The following IL1RAPL1 variants were observed in gnomAD, a reference collection of about 807,000 sequenced individuals.
IL1RAPL1 encodes the protein interleukin-1 receptor accessory protein-like 1.
A neutral mutation model predicts 48.4 loss-of-function variants in IL1RAPL1; 3 were observed. The ratio of observed to expected loss-of-function variants is 0.06; its 90% CI spans 0.03 to 0.16. The LOEUF (loss-of-function observed/expected upper bound fraction) is 0.16. IL1RAPL1 is among the 10% of genes least tolerant of loss of function. The pLI, the probability that IL1RAPL1 is intolerant of heterozygous loss-of-function variation, is 1.00. For missense variants in IL1RAPL1, 349 were observed against 530.6 expected (o/e 0.66, Z 3.36); for synonymous variants, 185 against 187.7 (o/e 0.99, Z 0.12).
intron 2 of IL1RAPL1, among the ~76,000 whole-genome samples, chrX:29,227,472 A>G (rs1382818680): frequency 9.0e-6 from 1 of 111,631 alleles, no homozygotes. Context: ...GTTCAATCAG[A>G]CTAAGACTTT....
intron 1 of IL1RAPL1, among the ~76,000 whole-genome samples, chrX:28,611,176 A>G (rs1404460298): frequency 8.9e-6 from 1 of 112,033 alleles, no homozygotes; most frequent in African/African-American, 3.2e-5. Flanking sequence ...TTAACACATT[A>G]AAAGAGCAAA....
intron 8 of IL1RAPL1, among the ~76,000 whole-genome samples, chrX:29,928,038 AT>A (rs1932907376): frequency 9.0e-6 from 1 of 111,707 alleles, no homozygotes; most frequent in African/African-American, 3.3e-5. Context: ...TTTAAAAGGC[AT>A]CTGTCTAGCA....
chrX:29,728,229 C>G (rs978392055), intron 6 of IL1RAPL1, among the ~76,000 whole-genome samples: 6 of 111,447 alleles, frequency 5.4e-5, no homozygotes, highest in Non-Finnish European at 3.8e-5. Flanking sequence ...AGCCACCGCA[C>G]CCAGCCGAGT....
chrX:28,722,236 G>A (rs1345673408), intron 1 of IL1RAPL1, among the ~76,000 whole-genome samples: 1 of 111,612 alleles, frequency 9.0e-6, no homozygotes, highest in Non-Finnish European at 1.9e-5. Context: ...AGCATGGAAT[G>A]TTCTTCCATT....
At chrX:29,507,255 T>TTTCC (rs1365385555) in intron 5 of IL1RAPL1, among the ~76,000 whole-genome samples, 1 of 99,082 alleles carries the variant, frequency 1.0e-5, no homozygotes. Context: ...TTCTTTCTTT[T>TTTCC]TTCCTTCCTT....
At chrX:29,597,661 G>C (rs190159040) in intron 5 of IL1RAPL1, among the ~76,000 whole-genome samples, 1 of 111,940 alleles carries the variant, frequency 8.9e-6, no homozygotes, top group African/African-American at 3.2e-5. Flanking sequence ...GAGTCCATCT[G>C]GTCCTGGACT....
At chrX:28,876,592 C>T (rs1922379024) in intron 2 of IL1RAPL1, among the ~76,000 whole-genome samples, 1 of 111,422 alleles carries the variant, frequency 9.0e-6, no homozygotes, top group Non-Finnish European at 1.9e-5. Flanking sequence ...TCCACTGGCC[C>T]CAAGCTGGCA....
intron 2 of IL1RAPL1, among the ~76,000 whole-genome samples, chrX:28,911,158 T>A (rs1252337656): frequency 1.8e-5 from 2 of 111,878 alleles, no homozygotes; most frequent in African/African-American, 6.5e-5. Flanking sequence ...ATTTCCACTA[T>A]AGAGCAAGTT....
intron 2 of IL1RAPL1, among the ~76,000 whole-genome samples, chrX:29,261,024 A>G (rs1931849554): frequency 9.2e-6 from 1 of 108,462 alleles, no homozygotes; most frequent in Non-Finnish European, 1.9e-5. Flanking sequence ...AATATAGTAT[A>G]ACTGAATAAA....
chrX:29,204,495 C>T (rs1025673545), intron 2 of IL1RAPL1, among the ~76,000 whole-genome samples: 4 of 111,259 alleles, frequency 3.6e-5, no homozygotes, highest in Non-Finnish European at 5.7e-5. Flanking sequence ...TTTCCATATA[C>T]CTGTTGGCCA....
chrX:29,185,072 C>T (rs1413004793), intron 2 of IL1RAPL1, among the ~76,000 whole-genome samples: 1 of 111,920 alleles, frequency 8.9e-6, no homozygotes, highest in East Asian at 2.8e-4. Flanking sequence ...TGTTAAAAAC[C>T]TGCCATCTTT....
intron 2 of IL1RAPL1, among the ~76,000 whole-genome samples, chrX:29,029,058 T>C (rs773463325): frequency 9.0e-6 from 1 of 111,669 alleles, no homozygotes; most frequent in Admixed American, 9.5e-5. Flanking sequence ...AGGCACCTTC[T>C]TCACAAGGTG....
rs1259881891 is a variant in IL1RAPL1, at chrX:29,802,759, A to ATGTGTGTGTGTG, written c.779-114704_779-114703insGTGTGTGTGTGT. ...TCTGAGGAAAAAATTATATATATAT[A>ATGTGTGTGTGTG]TATATATATATATATATATATATGT... On this transcript the variant is annotated intron_variant, in intron 6 of 10. Coordinates refer to ENST00000378993, the MANE Select transcript of IL1RAPL1 (RefSeq NM_014271.4). Among the ~76,000 whole-genome samples, 5 of 21,711 alleles carry ATGTGTGTGTGTG rather than the reference A, an allele frequency of 2.3e-4. 1 individual carries two copies. The highest frequency in any genetic ancestry group is 1.4e-3 in the African/African-American group (5 of 3,586). The allele number at this position is 21,711 out of a possible 115,157, so 18.9% of individuals were successfully genotyped here. A position where few individuals can be genotyped will look rare whatever the true frequency, so the allele number is the denominator to read the frequency against.
intron 2 of IL1RAPL1, among the ~76,000 whole-genome samples, chrX:29,256,864 A>AT (rs1481699452): frequency 2.7e-5 from 3 of 111,382 alleles, no homozygotes; most frequent in Non-Finnish European, 5.7e-5. Context: ...TAAAATGTGC[A>AT]TTTTGCATTG....
At chrX:29,685,471 C>G (rs1198558744) in intron 6 of IL1RAPL1, among the ~76,000 whole-genome samples, 1 of 111,192 alleles carries the variant, frequency 9.0e-6, no homozygotes, top group Non-Finnish European at 1.9e-5. Context: ...CCACTCCACT[C>G]CAGCCTGGGT....
intron 5 of IL1RAPL1, among the ~76,000 whole-genome samples, chrX:29,600,875 C>T (rs781706145): frequency 3.6e-5 from 4 of 111,124 alleles, no homozygotes; most frequent in African/African-American, 6.6e-5. Flanking sequence ...GATCTCACCC[C>T]GCTCCCACAC....
At chrX:29,096,414 G>C (rs1159707666) in intron 2 of IL1RAPL1, among the ~76,000 whole-genome samples, 1 of 111,633 alleles carries the variant, frequency 9.0e-6, no homozygotes, top group Admixed American at 9.6e-5. Flanking sequence ...TACTCGTACA[G>C]AATCTAATTT....
intron 2 of IL1RAPL1, among the ~76,000 whole-genome samples, chrX:28,817,843 T>C (rs745872358): frequency 2.7e-5 from 3 of 110,968 alleles, no homozygotes; most frequent in South Asian, 7.5e-4. Context: ...TATAGCTGAA[T>C]GATGGATGTG....
At chrX:29,731,216 A>C (rs758558853) in intron 6 of IL1RAPL1, among the ~76,000 whole-genome samples, 4 of 112,005 alleles carry the variant, frequency 3.6e-5, no homozygotes, top group Admixed American at 9.5e-5. Flanking sequence ...GGTTCTGCTG[A>C]TCATCATATA....
Sources: allele counts gnomAD v4.1 joint callset (sites outside exome capture counted in the v4.1 genomes callset), GRCh38; gene constraint gnomAD v4.1.1; transcripts MANE v1.5; gene names NCBI Gene and HGNC (gene_info 2026-07-23, HGNC 2026-07-21).